The following PTPN3 variants were observed in gnomAD, a reference collection of about 807,000 sequenced individuals.
PTPN3 encodes the protein tyrosine-protein phosphatase non-receptor type 3.
A neutral mutation model predicts 132.7 loss-of-function variants in PTPN3; 96 were observed. The observed-to-expected ratio is 0.72, with a 90% confidence interval of 0.61 to 0.86. The LOEUF is 0.86. PTPN3 is among the 40% of genes least tolerant of loss of function. PTPN3 has a pLI of 0.00. For synonymous variants in PTPN3, 398 were observed against 429.0 expected, an observed-to-expected ratio of 0.93 and a Z score of 0.89; for missense variants, 1,125 against 1,159.6, an observed-to-expected ratio of 0.97 and a Z score of 0.43.
chr9:109,429,830 T>G (rs930337900), intron 10 of PTPN3, among the ~76,000 whole-genome samples: 1 of 152,226 alleles, frequency 6.6e-6, no homozygotes, highest in African/African-American at 2.4e-5. Flanking sequence ...TCTGCTGGAA[T>G]CTTTACTTCT....
In PTPN3 at chr9:109,433,089, T is replaced by A. The variant is rs1157552054; in HGVS notation, c.748A>T (p.Thr250Ser). 6.2e-7 allele frequency: 1 copy of A among 1,614,148 alleles called. No homozygotes were observed. ...TGCACTTACCAAGGATAGAAACTTGTGCAAATGTATTTTCGGTACACAGCA... is the reference window on the plus strand; with the variant it reads ...TGCACTTACCAAGGATAGAAACTTGAGCAAATGTATTTTCGGTACACAGCA... ...GVAVYRKYIC[T>S]SFYPWVNILK... The change falls in exon 10 of 26, where the codon ACA becomes TCA. Residue 250 changes from threonine to serine, a missense_variant. Transcript: ENST00000374541.
At chr9:109,449,476 C>G (rs774923116) in intron 5 of PTPN3, 26 of 985,370 alleles carry the variant, frequency 2.6e-5, no homozygotes, top group Non-Finnish European at 2.9e-5. Context: ...TCTGGGCAAC[C>G]AGCAAATGTA....
At chr9:109,490,025 T>A (rs1165818866) in intron 1 of PTPN3, among the ~76,000 whole-genome samples, 1 of 151,574 alleles carries the variant, frequency 6.6e-6, no homozygotes, top group African/African-American at 2.4e-5. Flanking sequence ...CTATTAAAAA[T>A]ACAAAAAATT....
chr9:109,484,048 C>G (rs1847089871), intron 1 of PTPN3, among the ~76,000 whole-genome samples: 1 of 152,226 alleles, frequency 6.6e-6, no homozygotes, highest in South Asian at 2.1e-4. Flanking sequence ...CCTCTTCACT[C>G]TGTCGCGAGC....
At position 109,391,120 on chromosome 9, in the gene PTPN3, T is replaced by C. The variant is rs747839793; in HGVS notation, c.2106+18A>G. 5 of 1,605,874 alleles carry C rather than the reference T, an allele frequency of 3.1e-6. No homozygotes were observed. Among genetic ancestry groups the C allele is most frequent in the South Asian group, 1.1e-5 (1 of 90,632 alleles). Reference sequence around the variant, plus strand: ...GTGGTGAATGTGCTCTTAAGCATCATCCAGATTCCTAACTTACGTTCACGT... The same window carrying C: ...GTGGTGAATGTGCTCTTAAGCATCACCCAGATTCCTAACTTACGTTCACGT... On this transcript the variant is annotated intron_variant, in intron 21 of 25. Transcript: ENST00000374541.
At chr9:109,403,593 G>A (rs891040563) in intron 19 of PTPN3, among the ~76,000 whole-genome samples, 1 of 152,146 alleles carries the variant, frequency 6.6e-6, no homozygotes. Context: ...TAATTTCAGC[G>A]TTTTGGAAGA....
chr9:109,435,500 C>G (rs1285506880), intron 9 of PTPN3, among the ~76,000 whole-genome samples: 1 of 152,196 alleles, frequency 6.6e-6, no homozygotes, highest in Non-Finnish European at 1.5e-5. Flanking sequence ...GAGGGCTGCC[C>G]TGGAAGACTC....
chr9:109,456,992 C>T (rs1364128257), intron 4 of PTPN3, 181 bp downstream of exon 4: 5 of 643,298 alleles, frequency 7.8e-6, no homozygotes, highest in Non-Finnish European at 1.4e-5. Context: ...TCCTAGAGGG[C>T]TGATCTGGAA....
intron 1 of PTPN3, among the ~76,000 whole-genome samples, chr9:109,490,215 AC>A (rs554651780): frequency 1.2e-3 from 175 of 151,966 alleles, no homozygotes; most frequent in African/African-American, 4.0e-3. Context: ...AACAAAAAAA[AC>A]CCCACATCAC....
intron 14 of PTPN3, chr9:109,417,535 T>C: frequency 1.0e-6 from 1 of 962,160 alleles, no homozygotes; most frequent in Non-Finnish European, 1.2e-6. Flanking sequence ...CCAACAGGTT[T>C]TTTTTTTTTT....
chr9:109,532,746 T>C, the PTPN3 span: 148 of 370,876 alleles, frequency 4.0e-4, 6 homozygotes, highest in South Asian at 0.016. Flanking sequence ...CTCCAATCTT[T>C]TGTTCATTTC....
intron 2 of PTPN3, among the ~76,000 whole-genome samples, chr9:109,462,657 G>A (rs1039925453): frequency 1.3e-5 from 2 of 152,042 alleles, no homozygotes; most frequent in African/African-American, 4.8e-5. Context: ...GTATCTTCCT[G>A]CAGCTGGCCT....
intron 1 of PTPN3, among the ~76,000 whole-genome samples, chr9:109,471,378 T>G (rs1490774092): frequency 2.0e-5 from 3 of 152,172 alleles, no homozygotes; most frequent in Non-Finnish European, 4.4e-5. Flanking sequence ...TTATTTCCCA[T>G]GTCTCTCATC....
chr9:109,511,398 C>T, the PTPN3 span: 1 of 152,988 alleles, frequency 6.5e-6, no homozygotes, highest in Non-Finnish European at 1.5e-5. Context: ...AGAAGTGACT[C>T]TCTGGTGTCT....
the PTPN3 span, among the ~76,000 whole-genome samples, chr9:109,527,222 A>G: frequency 6.6e-6 from 1 of 152,244 alleles, no homozygotes; most frequent in Non-Finnish European, 1.5e-5. Flanking sequence ...GCACTTTGGG[A>G]GGCCAAGGTG....
At chr9:109,459,459 G>A (rs1845724564) in intron 2 of PTPN3, among the ~76,000 whole-genome samples, 2 of 152,226 alleles carry the variant, frequency 1.3e-5, no homozygotes. Flanking sequence ...CTTTGAACCA[G>A]GCTGCTGGAA....
At position 109,406,525 on chromosome 9, in the gene PTPN3, T is replaced by C; in HGVS notation, c.1729A>G (p.Met577Val). The change falls in exon 18 of 26, where the codon ATG becomes GTG. Residue 577 changes from methionine to valine, a missense_variant. Transcript: ENST00000374541. ...ISEHTHDQVV[M>V]FIKASRESHS... ...GACTCCCGGCTGGCTTTGATGAACA[T>C]CACCACTTGGTCATGCGTGTGTTCT... 1 of 1,614,176 alleles carries C rather than the reference T, an allele frequency of 6.2e-7. No homozygotes were observed. The highest frequency in any genetic ancestry group is 1.1e-5 in the South Asian group (1 of 91,070).
At chr9:109,421,600 C>T (rs528739394) in intron 13 of PTPN3, among the ~76,000 whole-genome samples, 1 of 152,364 alleles carries the variant, frequency 6.6e-6, no homozygotes, top group South Asian at 2.1e-4. Context: ...GGGCCCCTGG[C>T]ATTGCTGCCG....
intron 19 of PTPN3, 112 bp downstream of exon 19, chr9:109,404,336 T>C: frequency 1.2e-6 from 1 of 825,814 alleles, no homozygotes; most frequent in Non-Finnish European, 1.7e-6. Context: ...CACAATCATC[T>C]CGACCAAGGA....
Sources: gnomAD v4.1 joint callset for allele counts (sites outside exome capture counted in the v4.1 genomes callset) on GRCh38, gnomAD v4.1.1 for gene constraint, MANE v1.5 for transcripts, NCBI Gene and HGNC (gene_info 2026-07-23, HGNC 2026-07-21) for gene names.